ALK: variants seen among roughly 807,000 people sequenced by gnomAD.
ALK encodes ALK tyrosine kinase receptor.
ALK carries 74 observed loss-of-function variants against 163.1 expected under a neutral mutation model. That is an observed-to-expected ratio of 0.45 (90% CI 0.38 to 0.55). The LOEUF (loss-of-function observed/expected upper bound fraction) is 0.55, where lower values mean the gene tolerates loss of function less well. Ranked by LOEUF, ALK falls within the 20% of genes least tolerant of loss-of-function variation. The pLI, the probability that ALK is intolerant of heterozygous loss-of-function variation, is 0.00. For synonymous variants in ALK, 960 were observed against 843.2 expected, an observed-to-expected ratio of 1.14 and a Z score of -2.40; for missense variants, 2,063 against 2,105.3, an observed-to-expected ratio of 0.98 and a Z score of 0.39.
intron 4 of ALK, among the ~76,000 whole-genome samples, chr2:29,414,083 T>G (rs183684307): frequency 6.6e-6 from 1 of 152,190 alleles, no homozygotes; most frequent in African/African-American, 2.4e-5. Context: ...ACATGAGCAA[T>G]GCATTGTGTT....
At chr2:29,542,372 G>A (rs768507710) in intron 3 of ALK, among the ~76,000 whole-genome samples, 10 of 151,990 alleles carry the variant, frequency 6.6e-5, no homozygotes, top group Non-Finnish European at 1.3e-4. Context: ...ATTTGTATCA[G>A]TTGCTTTCTG....
At chr2:29,274,498 G>A (rs1018568106) in intron 11 of ALK, among the ~76,000 whole-genome samples, 4 of 152,356 alleles carry the variant, frequency 2.6e-5, no homozygotes, top group Non-Finnish European at 4.4e-5. Context: ...GTTCACAGCC[G>A]CTGGTCTAAT....
chr2:29,773,257 T>C (rs202159510), intron 1 of ALK, among the ~76,000 whole-genome samples: 1 of 140,752 alleles, frequency 7.1e-6, no homozygotes, highest in African/African-American at 2.7e-5. Context: ...CACACACATT[T>C]TTTTCTTTTT....
intron 4 of ALK, among the ~76,000 whole-genome samples, chr2:29,423,929 G>T (rs1670076951): frequency 6.6e-6 from 1 of 152,162 alleles, no homozygotes; most frequent in African/African-American, 2.4e-5. Flanking sequence ...TTGACCAGCA[G>T]ACTCCCTCCT....
chr2:29,285,339 T>A (rs570087627), intron 9 of ALK, among the ~76,000 whole-genome samples: 1 of 152,228 alleles, frequency 6.6e-6, no homozygotes, highest in African/African-American at 2.4e-5. Context: ...TACTGCAACC[T>A]CCACTTTCCA....
At chr2:29,858,599 C>A (rs981295635) in intron 1 of ALK, among the ~76,000 whole-genome samples, 3 of 151,508 alleles carry the variant, frequency 2.0e-5, no homozygotes, top group Admixed American at 1.3e-4. Flanking sequence ...AAAAATTAGC[C>A]GCTCGTGGTG....
At chr2:29,806,495 T>C (rs1179922781) in intron 1 of ALK, among the ~76,000 whole-genome samples, 1 of 152,178 alleles carries the variant, frequency 6.6e-6, no homozygotes, top group Admixed American at 6.5e-5. Context: ...CGCCAGCTGA[T>C]GTGGGCAAAC....
chr2:29,644,399 T>TA (rs112270659), intron 3 of ALK, among the ~76,000 whole-genome samples: 19,327 of 146,852 alleles, frequency 0.13, 2,400 homozygotes, highest in African/African-American at 0.34. Flanking sequence ...AAAGTATATT[T>TA]AAAAAAAAAA....
chr2:29,320,076 A>G (rs1666970940), intron 7 of ALK, among the ~76,000 whole-genome samples: 1 of 152,210 alleles, frequency 6.6e-6, no homozygotes, highest in South Asian at 2.1e-4. Flanking sequence ...TGCTGGCCAT[A>G]TAGACCCTCT....
chr2:29,892,616 G>C (rs868519551), intron 1 of ALK, among the ~76,000 whole-genome samples: 8 of 152,130 alleles, frequency 5.3e-5, no homozygotes, highest in African/African-American at 9.7e-5. Context: ...CTGTTCTATA[G>C]AGAAAATCTG....
At chr2:29,477,980 A>G (rs1671568114) in intron 4 of ALK, among the ~76,000 whole-genome samples, 1 of 152,212 alleles carries the variant, frequency 6.6e-6, no homozygotes, top group African/African-American at 2.4e-5. Context: ...AAAGAAAAAG[A>G]CTATTTTCCT....
intron 9 of ALK, among the ~76,000 whole-genome samples, chr2:29,289,325 A>G (rs1032135380): frequency 8.5e-5 from 13 of 152,164 alleles, no homozygotes; most frequent in African/African-American, 2.9e-4. Context: ...CATCAAGGTA[A>G]GGAGAATAAA....
At chr2:29,918,058 G>C (rs779048180) in intron 1 of ALK, among the ~76,000 whole-genome samples, 5 of 152,198 alleles carry the variant, frequency 3.3e-5, no homozygotes, top group Non-Finnish European at 7.3e-5. Context: ...CCACTCAGCA[G>C]CTCCAACACC....
At chr2:29,543,925 C>T (rs1673481419) in intron 3 of ALK, among the ~76,000 whole-genome samples, 1 of 152,174 alleles carries the variant, frequency 6.6e-6, no homozygotes, top group African/African-American at 2.4e-5. Flanking sequence ...CTTTTCTGAA[C>T]CAGAGGCCTC....
rs1436899331 is a variant in ALK, at chr2:29,275,210, T to C, written c.1930A>G (p.Ile644Val). 2 of 1,614,118 alleles carry C rather than the reference T, an allele frequency of 1.2e-6. No homozygotes were observed. The highest frequency in any genetic ancestry group is 2.7e-5 in the African/African-American group (2 of 75,024). ...CYLTISGEDKILQNTAPKSRN... is the reference protein window; with the variant it reads ...CYLTISGEDKVLQNTAPKSRN... ...GATTTGGGTGCTGTATTCTGCAGGA[T>C]CTTGTCCTCTCCGCTAACTGCAATA... Residue 644 changes from isoleucine to valine, a missense_variant, in exon 11 of 29, where the codon ATC becomes GTC. Around this residue, in one of 5 missense-constraint regions of ALK, gnomAD observed 987 missense variants for 939.5 expected, o/e 1.05. Coordinates refer to ENST00000389048, the MANE Select transcript of ALK (RefSeq NM_004304.5).
At chr2:29,727,192 T>C (rs1679599423) in intron 1 of ALK, among the ~76,000 whole-genome samples, 1 of 152,216 alleles carries the variant, frequency 6.6e-6, no homozygotes, top group Non-Finnish European at 1.5e-5. Flanking sequence ...CAAAGCCTGA[T>C]GCCTGGATCC....
At position 29,920,612 on chromosome 2, in the gene ALK, C is replaced by G. The variant is rs758016860; in HGVS notation, c.48G>C (p.Thr16=). ...LLWLLPLLLS[T]AAVGSGMGTG... ...TCCCCATCCCGGAGCCCACAGCTGCCGTGGAAAGCAGCAGCGGCAGGAGCC... is the reference window on the plus strand; with the variant it reads ...TCCCCATCCCGGAGCCCACAGCTGCGGTGGAAAGCAGCAGCGGCAGGAGCC... Residue 16 remains threonine (T), a synonymous_variant, in exon 1 of 29, where the codon ACG becomes ACC. Coordinates refer to ENST00000389048, the MANE Select transcript of ALK (RefSeq NM_004304.5). 6.4e-7 allele frequency: 1 copy of G among 1,552,214 alleles called. No individual in the cohort carries two copies. The highest frequency in any genetic ancestry group is 1.4e-5 in the African/African-American group (1 of 73,612).
intron 1 of ALK, among the ~76,000 whole-genome samples, chr2:29,775,971 A>G (rs930049734): frequency 1.3e-5 from 2 of 152,222 alleles, no homozygotes; most frequent in Non-Finnish European, 2.9e-5. Context: ...CAGGTATACT[A>G]GGGTAACATC....
intron 3 of ALK, among the ~76,000 whole-genome samples, chr2:29,545,306 C>T (rs1200095141): frequency 6.6e-6 from 1 of 152,188 alleles, no homozygotes; most frequent in Non-Finnish European, 1.5e-5. Flanking sequence ...ATGAATTGTT[C>T]AAAGCAAACT....
Sources: gnomAD v4.1 joint callset for allele counts (sites outside exome capture counted in the v4.1 genomes callset) on GRCh38, gnomAD v4.1.1 for gene constraint, gnomAD v4.1.1 regional missense constraint, MANE v1.5 for transcripts, NCBI Gene and HGNC (gene_info 2026-07-23, HGNC 2026-07-21) for gene names.